The following PEX13 variants were observed in gnomAD, a reference collection of about 807,000 sequenced individuals.
PEX13 encodes peroxisome biogenesis factor 13.
A neutral mutation model predicts 34.5 loss-of-function variants in PEX13; 28 were observed. The ratio of observed to expected loss-of-function variants is 0.81; its 90% confidence interval spans 0.60 to 1.11. The LOEUF is 1.11. Ranked by LOEUF, PEX13 falls within the 50% of genes most tolerant of loss-of-function variation. PEX13 has a pLI of 0.00. For synonymous variants in PEX13, 177 were observed against 175.1 expected, an observed-to-expected ratio of 1.01 and a Z score of -0.09; for missense variants, 550 against 491.0, an observed-to-expected ratio of 1.12 and a Z score of -1.13.
Position 61,048,632 on chromosome 2 carries a change from A to G in PEX13, c.1074A>G (p.Pro358=), listed in dbSNP as rs1559047236. The change falls in exon 4 of 4, where the codon CCA becomes CCG. Residue 358 remains proline (P), a synonymous_variant. Coordinates refer to ENST00000295030, the MANE Select transcript of PEX13 (RefSeq NM_002618.4). ...AGCAGCAACAATCTTTTACCAACCC[A>G]ACACTAACTAAAGGAGCCACGGTTG... ...VSKQQQSFTN[P]TLTKGATVAD... is the part of the protein sequence containing the mutation. 1.2e-6 allele frequency: 2 copies of G among 1,614,148 alleles called. No homozygotes were observed. The highest frequency in any genetic ancestry group is 2.2e-5 in the South Asian group (2 of 91,086).
intron 1 of PEX13, among the ~76,000 whole-genome samples, chr2:61,022,977 A>G (rs1680289160): frequency 1.3e-5 from 2 of 151,640 alleles, no homozygotes; most frequent in Admixed American, 6.6e-5. Flanking sequence ...TCAAAGTTTT[A>G]TAGCTAGATA....
rs1051196741 is a variant in PEX13, at chr2:61,049,097, A to C, written c.*327A>C. 2 of 271,450 alleles carry C rather than the reference A, an allele frequency of 7.4e-6. No homozygotes were observed. 16.8% of individuals were successfully genotyped at this position (271,450 alleles called of 1,614,324 possible). On this transcript the variant is annotated 3_prime_UTR_variant, in exon 4 of 4. Coordinates refer to ENST00000295030, the MANE Select transcript of PEX13 (RefSeq NM_002618.4). ...AACTATAGCATGCACAGTTTGGTACAGTAGAGATCATTAATACTTTTAAAA... is the reference window on the plus strand; with the variant it reads ...AACTATAGCATGCACAGTTTGGTACCGTAGAGATCATTAATACTTTTAAAA...
chr2:61,018,375 C>T, intron 1 of PEX13: 1 of 1,465,962 alleles, frequency 6.8e-7, no homozygotes, highest in South Asian at 1.3e-5. Context: ...TGTTTCGGAT[C>T]GAGATTGGAG....
chr2:61,034,956 A>C (rs1680511872), intron 2 of PEX13, among the ~76,000 whole-genome samples: 1 of 152,250 alleles, frequency 6.6e-6, no homozygotes, highest in South Asian at 2.1e-4. Context: ...ACAGCTCTGA[A>C]GAGAGCAGTG....
At chr2:61,027,740 T>C (rs1680383410) in intron 1 of PEX13, among the ~76,000 whole-genome samples, 1 of 152,226 alleles carries the variant, frequency 6.6e-6, no homozygotes, top group Non-Finnish European at 1.5e-5. Context: ...CTGTCTTGTG[T>C]TAAATCTAGA....
At position 61,048,856 on chromosome 2, in the gene PEX13, A is replaced by G. The variant is rs1680752733; in HGVS notation, c.*86A>G. 2 of 1,135,238 alleles carry G rather than the reference A, an allele frequency of 1.8e-6. No individual in the cohort carries two copies. The highest frequency in any genetic ancestry group is 1.9e-5 in the Admixed American group (1 of 51,992). 70.3% of individuals were successfully genotyped at this position (1,135,238 alleles called of 1,614,324 possible). A position where few individuals can be genotyped will look rare whatever the true frequency, so the allele number is the denominator to read the frequency against. On this transcript the variant is annotated 3_prime_UTR_variant, in exon 4 of 4. Transcript: ENST00000295030. ...CACAAAGAAATGAATGTACAATCCA[A>G]TGAAAACATTTGTTATTGGCTATTT...
In PEX13 at chr2:61,031,752, T is replaced by A. The variant is rs1431174534; in HGVS notation, c.426T>A (p.Ser142=). The A allele has an allele frequency of 6.2e-7, 1 of 1,614,134 alleles. No homozygotes were observed. The highest frequency in any genetic ancestry group is 2.2e-5 in the East Asian group (1 of 44,894). ...AAAGTATTGTGCATGCATTTGCCTC[T>A]GTCAGTATGATGATGGATGCTACCT... is the stretch of plus-strand genomic sequence containing the variant. ...SIESIVHAFA[S]VSMMMDATFS... Residue 142 remains serine, a synonymous_variant, in exon 2 of 4, where the codon TCT becomes TCA. Coordinates refer to ENST00000295030, the MANE Select transcript of PEX13 (RefSeq NM_002618.4).
In PEX13 at chr2:61,048,456, C is replaced by G. The variant is rs987622142; in HGVS notation, c.914-16C>G. ...AAGTATATTGTAATTACAAGACTGT[C>G]TTTTTTTTCCATCAGAACAACAACC... On this transcript the variant is annotated splice_polypyrimidine_tract_variant and intron_variant, in intron 3 of 3. Coordinates refer to ENST00000295030, the MANE Select transcript of PEX13 (RefSeq NM_002618.4). The G allele has an allele frequency of 8.7e-6, 14 of 1,607,272 alleles. No homozygotes were observed. The highest frequency in any genetic ancestry group is 1.2e-5 in the Non-Finnish European group (14 of 1,174,880).
intron 2 of PEX13, among the ~76,000 whole-genome samples, chr2:61,038,190 G>T (rs979881568): frequency 1.3e-5 from 2 of 152,314 alleles, no homozygotes; most frequent in East Asian, 1.9e-4. Flanking sequence ...AGAGGAGCTG[G>T]TATCATTCCT....
Position 61,031,651 on chromosome 2 carries a change from C to A in PEX13, c.325C>A (p.Arg109Ser), listed in dbSNP as rs143972531. 1.2e-6 allele frequency: 2 copies of A among 1,614,112 alleles called. No homozygotes were observed. The highest frequency in any genetic ancestry group is 2.7e-5 in the African/African-American group (2 of 75,034). Residue 109 changes from arginine to serine, a missense_variant, in exon 2 of 4, where the codon CGT becomes AGT. Transcript: ENST00000295030. ...TAATGGGCTGGGCTACAACCGCCTC[C>A]GTGTAGATGATCTTCCACCCAGTAG... ...GYNGLGYNRL[R>S]VDDLPPSRFV...
intron 2 of PEX13, among the ~76,000 whole-genome samples, chr2:61,041,699 AGTT>A (rs1371867505): frequency 5.3e-5 from 8 of 152,310 alleles, no homozygotes; most frequent in African/African-American, 9.6e-5. Flanking sequence ...TGAGTGATCA[AGTT>A]GTTGTGGGAG....
At position 61,017,791 on chromosome 2, in the gene PEX13, C is replaced by G. The variant is rs564528921; in HGVS notation, c.32C>G (p.Pro11Arg). Residue 11 changes from proline (P) to arginine (R), a missense_variant, in exon 1 of 4, where the codon CCC becomes CGC. Pro to Arg is a moderately radical substitution (Grantham distance 103, BLOSUM62 -2). Coordinates refer to ENST00000295030, the MANE Select transcript of PEX13 (RefSeq NM_002618.4). MASQPPPPPK[P>R]WETRRIPGAG... ...TCCCAGCCGCCACCTCCCCCCAAAC[C>G]CTGGGAGACCCGCCGAATTCCGGGA... 4.5e-6 allele frequency: 7 copies of G among 1,550,428 alleles called. No homozygotes were observed. In the Middle Eastern group the frequency reaches 5.1e-4, roughly 112 times the overall value.
intron 2 of PEX13, among the ~76,000 whole-genome samples, chr2:61,041,416 A>G (rs1211023826): frequency 6.6e-6 from 1 of 152,212 alleles, no homozygotes; most frequent in Non-Finnish European, 1.5e-5. Flanking sequence ...TAAGATGGAA[A>G]TCAGGAAGAA....
chr2:61,036,519 C>T lies in PEX13; in HGVS notation c.787+4406C>T, dbSNP rs181018125. The stretch of plus-strand genomic sequence containing the variant: ...TTCAACCCAGAATCTCATATCCAGC[C>T]AAACTAAGCTTCATAAGCGAAGGAG... On this transcript the variant is annotated intron_variant, in intron 2 of 3. Coordinates refer to ENST00000295030, the MANE Select transcript of PEX13 (RefSeq NM_002618.4). Among the ~76,000 whole-genome samples the T allele has an allele frequency of 7.4e-3, 1,133 of 152,270 alleles. 16 individuals are homozygous for T. Among genetic ancestry groups the T allele is most frequent in the Middle Eastern group, 0.034 (10 of 294 alleles).
chr2:61,048,984 T>C lies in PEX13; in HGVS notation c.*214T>C. 1 of 555,450 alleles carries C rather than the reference T, an allele frequency of 1.8e-6. No individual in the cohort carries two copies. The highest frequency in any genetic ancestry group is 2.1e-5 in the South Asian group (1 of 47,276). The allele number at this position is 555,450 out of a possible 1,614,324, so 34.4% of individuals were successfully genotyped here. The stretch of plus-strand genomic sequence containing the variant: ...CACATTATTGGACCATAAGGACATT[T>C]GTTTCACCTAGATTTTAAGATTATG... On this transcript the variant is annotated 3_prime_UTR_variant, in exon 4 of 4. Coordinates refer to ENST00000295030, the MANE Select transcript of PEX13 (RefSeq NM_002618.4).
At chr2:61,034,234 C>T (rs752307710) in intron 2 of PEX13, among the ~76,000 whole-genome samples, 1 of 152,120 alleles carries the variant, frequency 6.6e-6, no homozygotes, top group Non-Finnish European at 1.5e-5. Context: ...TGAGCTCAGG[C>T]AGTCTGCCCA....
chr2:61,047,626 C>T (rs2104813965), intron 3 of PEX13, among the ~76,000 whole-genome samples: 2 of 152,228 alleles, frequency 1.3e-5, no homozygotes, highest in Middle Eastern at 3.4e-3. Flanking sequence ...TTTCATTATT[C>T]TTCAATGAAT....
intron 1 of PEX13, chr2:61,018,762 C>T (rs1680174075): frequency 6.6e-6 from 1 of 152,368 alleles, no homozygotes; most frequent in Non-Finnish European, 1.5e-5. Context: ...AGGATATATA[C>T]ATAACAAGTA....
At chr2:61,022,966 A>G (rs17539345) in intron 1 of PEX13, among the ~76,000 whole-genome samples, 1 of 151,804 alleles carries the variant, frequency 6.6e-6, no homozygotes, top group South Asian at 2.1e-4. Flanking sequence ...CTGGTTTTGT[A>G]TCAAAGTTTT....
Sources: allele counts gnomAD v4.1 joint callset (sites outside exome capture counted in the v4.1 genomes callset), GRCh38; gene constraint gnomAD v4.1.1; transcripts MANE v1.5; gene names NCBI Gene and HGNC (gene_info 2026-07-23, HGNC 2026-07-21).